The following RBM48 variants were observed in gnomAD, a reference collection of about 807,000 sequenced individuals.
RBM48 encodes RNA-binding protein 48.
A neutral mutation model predicts 34.8 loss-of-function variants in RBM48; 32 were observed. The observed-to-expected ratio is 0.92, with a 90% CI of 0.69 to 1.23. The LOEUF is 1.23. Ranked by LOEUF, RBM48 falls within the 50% of genes most tolerant of loss-of-function variation. The pLI is 0.00. For missense variants in RBM48, 441 were observed against 447.2 expected (o/e 0.99, Z 0.12); for synonymous variants, 151 against 156.2 (o/e 0.97, Z 0.25).
In RBM48 at chr7:92,534,499, T is replaced by A; in HGVS notation, c.546T>A (p.Ala182=). The change falls in exon 4 of 5, where the codon GCT becomes GCA. Residue 182 remains alanine, a synonymous_variant. Coordinates refer to ENST00000265732, the MANE Select transcript of RBM48 (RefSeq NM_032120.4). ...FHSEMSGFCK[A]ALNTSAGNSN... is the part of the protein sequence containing the mutation. The stretch of plus-strand genomic sequence containing the variant: ...CAGAGATGTCTGGATTTTGTAAAGC[T>A]GCTTTGAACACTTCTGCAGGGAACT... 6.2e-7 allele frequency: 1 copy of A among 1,614,196 alleles called. No individual in the cohort carries two copies.
rs1010009361 is a variant in RBM48, at chr7:92,540,206, ACT to A, written c.*3274_*3275del. 2.0e-5 allele frequency: 3 copies of A among 152,200 alleles called. No individual in the cohort carries two copies. The highest frequency in any genetic ancestry group is 6.5e-5 in the Admixed American group (1 of 15,284). 9.4% of individuals were successfully genotyped at this position (152,200 alleles called of 1,614,324 possible). The stretch of plus-strand genomic sequence containing the variant: ...CAGAGGAGAGTGTCTAGCAAGTATT[ACT>A]CTCTGACCCTTTAAAATTTTTCCTG... On this transcript the variant is annotated 3_prime_UTR_variant, in exon 5 of 5. Coordinates refer to ENST00000265732, the MANE Select transcript of RBM48 (RefSeq NM_032120.4).
intron 1 of RBM48, 63 bp from the exon 2 acceptor site, chr7:92,529,413 T>A: frequency 1.0e-6 from 1 of 959,310 alleles, no homozygotes; most frequent in Non-Finnish European, 1.6e-6. Context: ...TAAAAAAAAA[T>A]AGAGGCAGAT....
intron 2 of RBM48, among the ~76,000 whole-genome samples, chr7:92,530,972 C>T (rs1013584689): frequency 6.6e-6 from 1 of 151,758 alleles, no homozygotes; most frequent in Non-Finnish European, 1.5e-5. Context: ...GTTCCAGCTA[C>T]TTGGGAGGCC....
At chr7:92,535,325 T>C (rs1356535594) in intron 4 of RBM48, 6 of 1,160,176 alleles carry the variant, frequency 5.2e-6, no homozygotes, top group African/African-American at 1.6e-5. Flanking sequence ...AGCAAAAGTA[T>C]TGTAAATTAT....
rs536148904 is a variant in RBM48 at position 92,538,467 on chromosome 7, T to C, written c.*1530T>C. On this transcript the variant is annotated 3_prime_UTR_variant, in exon 5 of 5. Transcript: ENST00000265732. ...GGGAGACAGGAAGAGAAATGGCCTCTCTCCTCACACTGATCCAAATTAACT... is the reference window on the plus strand; with the variant it reads ...GGGAGACAGGAAGAGAAATGGCCTCCCTCCTCACACTGATCCAAATTAACT... Among the ~76,000 whole-genome samples, 62 of 152,272 alleles carry C rather than the reference T, an allele frequency of 4.1e-4. No homozygotes were observed. Among genetic ancestry groups the C allele is most frequent in the Non-Finnish European group, 7.1e-4 (48 of 68,028 alleles).
intron 2 of RBM48, among the ~76,000 whole-genome samples, chr7:92,531,572 A>G (rs556746875): frequency 2.0e-5 from 3 of 152,322 alleles, no homozygotes; most frequent in South Asian, 2.1e-4. Flanking sequence ...CTGCTGTTAT[A>G]TGTAATTTCA....
Position 92,534,631 on chromosome 7 carries a change from G to C in RBM48, c.678G>C (p.Lys226Asn), listed in dbSNP as rs1793658613. 1 of 1,614,118 alleles carries C rather than the reference G, an allele frequency of 6.2e-7. No homozygotes were observed. The highest frequency in any genetic ancestry group is 8.5e-7 in the Non-Finnish European group (1 of 1,180,008). Residue 226 changes from lysine to asparagine, a missense_variant, in exon 4 of 5, where the codon AAG becomes AAC. Coordinates refer to ENST00000265732, the MANE Select transcript of RBM48 (RefSeq NM_032120.4). ...GPVDRAPDSS[K>N]DGRNHHKTMG... is the part of the protein sequence containing the mutation. ...TAGACAGAGCACCAGACTCCTCTAA[G>C]GATGGTAGAAACCATCATAAAACAA...
chr7:92,539,700 A>G lies in RBM48; in HGVS notation c.*2763A>G, dbSNP rs1463757118. Among the ~76,000 whole-genome samples, 1 of 152,200 alleles carries G rather than the reference A, an allele frequency of 6.6e-6. No homozygotes were observed. Reference sequence around the variant, plus strand: ...GGCAACAGACGGAGACTGTGTCTCAAAAAAAAGTGTTCTTGTATACCATGT... The same window carrying G: ...GGCAACAGACGGAGACTGTGTCTCAGAAAAAAGTGTTCTTGTATACCATGT... On this transcript the variant is annotated 3_prime_UTR_variant, in exon 5 of 5. Coordinates refer to ENST00000265732, the MANE Select transcript of RBM48 (RefSeq NM_032120.4).
At chr7:92,532,274 T>C in intron 2 of RBM48, 130 bp from the exon 3 acceptor site, 2 of 731,356 alleles carry the variant, frequency 2.7e-6, no homozygotes, top group South Asian at 1.8e-5. Context: ...TAATTCCCAA[T>C]CCACAGGATA....
At position 92,536,831 on chromosome 7, in the gene RBM48, TC is replaced by T. The variant is rs752421205; in HGVS notation, c.1018-19del. The T allele has an allele frequency of 9.0e-6, 14 of 1,561,432 alleles. No individual in the cohort carries two copies. The highest frequency in any genetic ancestry group is 1.2e-5 in the Non-Finnish European group (14 of 1,159,958). ...GCTATAGAAACTAAGTTTTAATGGT[TC>T]TTTTTTTTTTTTAATTAGGTAATTT... On this transcript the variant is annotated intron_variant, in intron 4 of 4. Transcript: ENST00000265732.
intron 2 of RBM48, 92 bp from the exon 3 acceptor site, chr7:92,532,312 T>G (rs1320543674): frequency 9.4e-7 from 1 of 1,069,478 alleles, no homozygotes; most frequent in East Asian, 2.4e-5. Context: ...AGCTGGACTT[T>G]GCTCTTTAGA....
At chr7:92,536,472 A>G (rs2116331800) in intron 4 of RBM48, 1 of 987,974 alleles carries the variant, frequency 1.0e-6, no homozygotes. Flanking sequence ...CATTTCTCCA[A>G]AGGTTTTCAT....
chr7:92,537,052 T>A lies in RBM48; in HGVS notation c.*115T>A. The stretch of plus-strand genomic sequence containing the variant: ...TGGTATTTTTTAATGCACTCCTCTT[T>A]GTAATTTCATTCAAGCCATTTGTCT... On this transcript the variant is annotated 3_prime_UTR_variant, in exon 5 of 5. Coordinates refer to ENST00000265732, the MANE Select transcript of RBM48 (RefSeq NM_032120.4). The A allele has an allele frequency of 1.4e-6, 1 of 716,638 alleles. No individual in the cohort carries two copies. Among genetic ancestry groups the A allele is most frequent in the Non-Finnish European group, 2.2e-6 (1 of 448,642 alleles). The allele number at this position is 716,638 out of a possible 1,614,324, so 44.4% of individuals were successfully genotyped here. A position where few individuals can be genotyped will look rare whatever the true frequency, so the allele number is the denominator to read the frequency against.
intron 2 of RBM48, 150 bp from the exon 3 acceptor site, chr7:92,532,254 C>T (rs1198923965): frequency 6.0e-6 from 4 of 661,472 alleles, no homozygotes; most frequent in South Asian, 5.8e-5. Flanking sequence ...TGTCCACAAG[C>T]AGAGCATCTT....
chr7:92,532,122 G>A (rs1793590132), intron 2 of RBM48, among the ~76,000 whole-genome samples: 1 of 152,120 alleles, frequency 6.6e-6, no homozygotes, highest in South Asian at 2.1e-4. Flanking sequence ...TATGACCACA[G>A]TTTACATACT....
rs1376110737 is a variant in RBM48, at chr7:92,534,853, A to G, written c.900A>G (p.Thr300=). The G allele has an allele frequency of 6.2e-7, 1 of 1,614,222 alleles. No individual in the cohort carries two copies. The highest frequency in any genetic ancestry group is 1.1e-5 in the South Asian group (1 of 91,082). ...GTAAACTTGGAACTTTTCTTCAAAC[A>G]AACCCAACTGGTAATGAGATTATGA... ...DDRKLGTFLQ[T]NPTGNEIMIG... is the part of the protein sequence containing the mutation. Residue 300 remains threonine (T), a synonymous_variant, in exon 4 of 5, where the codon ACA becomes ACG. Coordinates refer to ENST00000265732, the MANE Select transcript of RBM48 (RefSeq NM_032120.4).
chr7:92,533,560 G>T (rs1048969121), intron 3 of RBM48, among the ~76,000 whole-genome samples: 1 of 152,142 alleles, frequency 6.6e-6, no homozygotes, highest in African/African-American at 2.4e-5. Context: ...CCTTTTTGCT[G>T]TGCTGCTGAC....
Position 92,529,671 on chromosome 7 carries a change from T to C in RBM48, c.302+5T>C, listed in dbSNP as rs1466562824. The C allele has an allele frequency of 1.2e-5, 18 of 1,507,288 alleles. No individual in the cohort carries two copies. The highest frequency in any genetic ancestry group is 3.5e-4 in the Middle Eastern group (2 of 5,748). 93.4% of individuals were successfully genotyped at this position (1,507,288 alleles called of 1,614,324 possible). Reference sequence around the variant, plus strand: ...TATGAACTTACAAAGTGCAAGGTAATGTGCAAGTTAAGAAATGACTCATTT... The same window carrying C: ...TATGAACTTACAAAGTGCAAGGTAACGTGCAAGTTAAGAAATGACTCATTT... On this transcript the variant is annotated splice_donor_5th_base_variant and intron_variant, in intron 2 of 4. Transcript: ENST00000265732.
In RBM48 at chr7:92,537,662, T is replaced by C. The variant is rs1328268753; in HGVS notation, c.*725T>C. The C allele has an allele frequency of 1.3e-5, 2 of 152,214 alleles. No individual in the cohort carries two copies. Among genetic ancestry groups the C allele is most frequent in the African/African-American group, 4.8e-5 (2 of 41,450 alleles). 9.4% of individuals were successfully genotyped at this position (152,214 alleles called of 1,614,324 possible). A position where few individuals can be genotyped will look rare whatever the true frequency, so the allele number is the denominator to read the frequency against. On this transcript the variant is annotated 3_prime_UTR_variant, in exon 5 of 5. Coordinates refer to ENST00000265732, the MANE Select transcript of RBM48 (RefSeq NM_032120.4). The stretch of plus-strand genomic sequence containing the variant: ...GAACAAAGCTGAAATTAGAACCTTA[T>C]ATGCTTTAAATAACTTTTAAGAATT...
Sources: gnomAD v4.1 joint callset for allele counts (sites outside exome capture counted in the v4.1 genomes callset) on GRCh38, gnomAD v4.1.1 for gene constraint, MANE v1.5 for transcripts, NCBI Gene and HGNC (gene_info 2026-07-23, HGNC 2026-07-21) for gene names.